Variants in ZBTB41 observed in about 807,000 individuals in gnomAD.
ZBTB41 encodes the protein zinc finger and BTB domain-containing protein 41.
ZBTB41 carries 42 observed loss-of-function variants against 87.6 expected under a neutral mutation model. The ratio of observed to expected loss-of-function variants is 0.48; its 90% confidence interval spans 0.37 to 0.62. ZBTB41 has a LOEUF of 0.62. Among genes scored for constraint, ZBTB41 ranks in the 20% least tolerant of loss-of-function variants. The pLI is 0.00. For missense variants in ZBTB41, 799 were observed against 1,078.9 expected, an observed-to-expected ratio of 0.74 and a Z score of 3.63; for synonymous variants, 364 against 364.0, an observed-to-expected ratio of 1.00 and a Z score of 0.00.
At position 197,200,516 on chromosome 1, in the gene ZBTB41, T is replaced by G; in HGVS notation, c.-43A>C. 6.6e-7 allele frequency: 1 copy of G among 1,511,954 alleles called. No individual in the cohort carries two copies. The highest frequency in any genetic ancestry group is 8.8e-7 in the Non-Finnish European group (1 of 1,135,456). 93.7% of individuals were successfully genotyped at this position (1,511,954 alleles called of 1,614,324 possible). The stretch of plus-strand genomic sequence containing the variant: ...AGAACAAGAAACTTCATAAGTGTCT[T>G]AAGTGATTTATAAAGGAAAACTAGA... On this transcript the variant is annotated 5_prime_UTR_variant, in exon 2 of 11. Coordinates refer to ENST00000367405, the MANE Select transcript of ZBTB41 (RefSeq NM_194314.3).
rs1660281592 is a variant in ZBTB41 at position 197,200,319 on chromosome 1, T to G, written c.155A>C (p.Gln52Pro). The G allele has an allele frequency of 6.2e-7, 1 of 1,614,186 alleles. No homozygotes were observed. Among genetic ancestry groups the G allele is most frequent in the Non-Finnish European group, 8.5e-7 (1 of 1,180,028 alleles). Residue 52 changes from glutamine to proline, a missense_variant, in exon 2 of 11, where the codon CAG becomes CCG. Coordinates refer to ENST00000367405, the MANE Select transcript of ZBTB41 (RefSeq NM_194314.3). ...RPTPEALHCY[Q>P]ELPPSPDQRK... ...CTGATCTGGAGAGGGAGGAAGTTCC[T>G]GGTAACAGTGAAGAGCTTCAGGAGT...
At chr1:197,192,019 C>T in intron 2 of ZBTB41, 120 bp from the exon 3 acceptor site, 2 of 671,752 alleles carry the variant, frequency 3.0e-6, no homozygotes, top group Non-Finnish European at 4.3e-6. Flanking sequence ...AATCCACACA[C>T]AAAACTAGAA....
chr1:197,182,863 C>T (rs1438371683), intron 5 of ZBTB41, among the ~76,000 whole-genome samples: 1 of 152,074 alleles, frequency 6.6e-6, no homozygotes, highest in Non-Finnish European at 1.5e-5. Flanking sequence ...GGGCCATACG[C>T]CAGACCTATC....
intron 4 of ZBTB41, among the ~76,000 whole-genome samples, chr1:197,189,690 T>C (rs1659977391): frequency 6.6e-6 from 1 of 152,186 alleles, no homozygotes; most frequent in Admixed American, 6.5e-5. Flanking sequence ...CAACAAAATG[T>C]AGTAGAAGTG....
intron 10 of ZBTB41, among the ~76,000 whole-genome samples, chr1:197,162,608 T>A (rs187897946): frequency 6.6e-6 from 1 of 152,300 alleles, no homozygotes; most frequent in East Asian, 1.9e-4. Flanking sequence ...TTACATCATA[T>A]CATGGCTCTT....
intron 5 of ZBTB41, among the ~76,000 whole-genome samples, chr1:197,183,602 G>A (rs192273369): frequency 6.6e-6 from 1 of 152,266 alleles, no homozygotes; most frequent in African/African-American, 2.4e-5. Context: ...TTATTTACTA[G>A]TTAGATTACC....
chr1:197,182,807 G>C (rs971356651), intron 5 of ZBTB41, among the ~76,000 whole-genome samples: 1 of 152,112 alleles, frequency 6.6e-6, no homozygotes, highest in African/African-American at 2.4e-5. Context: ...CTGGGAACTT[G>C]TGCAAATTGC....
At chr1:197,178,591 G>C in intron 6 of ZBTB41, 79 bp from the exon 7 acceptor site, 1 of 1,003,760 alleles carries the variant, frequency 1.0e-6, no homozygotes, top group South Asian at 1.9e-5. Context: ...TTACTAGAAA[G>C]GTATTCAAGC....
chr1:197,199,323 T>A, intron 2 of ZBTB41, 31 bp downstream of exon 2: 2 of 1,469,272 alleles, frequency 1.4e-6, no homozygotes, highest in East Asian at 2.4e-5. Flanking sequence ...AGTAAGTGAT[T>A]AGAGATAGAA....
At chr1:197,185,692 T>C (rs1036515161) in intron 5 of ZBTB41, among the ~76,000 whole-genome samples, 5 of 151,880 alleles carry the variant, frequency 3.3e-5, no homozygotes, top group African/African-American at 1.2e-4. Flanking sequence ...TTTCAATTTA[T>C]ATGACTTTCT....
chr1:197,188,183 T>TA lies in ZBTB41; in HGVS notation c.1546+108dup, dbSNP rs1238074097. The TA allele has an allele frequency of 1.4e-5, 19 of 1,348,242 alleles. 1 individual carries two copies. In the African/African-American group the frequency reaches 2.1e-4, roughly 15 times the overall value. 83.5% of individuals were successfully genotyped at this position (1,348,242 alleles called of 1,614,324 possible). On this transcript the variant is annotated intron_variant, in intron 5 of 10. Transcript: ENST00000367405. ...TTTGCTGTGAACCTAAAACCACTCT[T>TA]AAAAAGTCTTTTAGAAGAAAAAGAG...
intron 9 of ZBTB41, among the ~76,000 whole-genome samples, chr1:197,172,600 T>G (rs940735761): frequency 6.6e-6 from 1 of 151,704 alleles, no homozygotes; most frequent in Non-Finnish European, 1.5e-5. Flanking sequence ...AGATCAAGAG[T>G]GGCCTAAAGG....
At chr1:197,167,407 CT>C (rs1418524143) in intron 10 of ZBTB41, among the ~76,000 whole-genome samples, 1 of 152,076 alleles carries the variant, frequency 6.6e-6, no homozygotes, top group East Asian at 1.9e-4. Context: ...GTTTCCCAGG[CT>C]GGTCTTGAAC....
At chr1:197,172,037 G>A in intron 10 of ZBTB41, 123 bp downstream of exon 10, 1 of 354,576 alleles carries the variant, frequency 2.8e-6, no homozygotes, top group Non-Finnish European at 5.1e-6. Flanking sequence ...AAATCTTAAT[G>A]GGGAAAACCA....
intron 10 of ZBTB41, among the ~76,000 whole-genome samples, chr1:197,168,702 G>A (rs1659406809): frequency 6.6e-6 from 1 of 151,950 alleles, no homozygotes; most frequent in Non-Finnish European, 1.5e-5. Flanking sequence ...CTTGGGTTGA[G>A]CAAAAGTTTC....
At chr1:197,195,394 G>A (rs904823984) in intron 2 of ZBTB41, among the ~76,000 whole-genome samples, 1 of 152,106 alleles carries the variant, frequency 6.6e-6, no homozygotes, top group Non-Finnish European at 1.5e-5. Context: ...GATTTTGTAT[G>A]CAGTTTTTAC....
chr1:197,190,664 A>G (rs1250174684), intron 4 of ZBTB41, 98 bp downstream of exon 4: 1 of 666,368 alleles, frequency 1.5e-6, no homozygotes, highest in African/African-American at 1.9e-5. Context: ...AAGTGAGATA[A>G]GCTAAGTCAC....
chr1:197,169,804 G>T (rs950123967), intron 10 of ZBTB41, among the ~76,000 whole-genome samples: 2 of 151,966 alleles, frequency 1.3e-5, no homozygotes, highest in African/African-American at 4.8e-5. Context: ...CCAATTTAAT[G>T]AATATGTTTC....
At chr1:197,199,200 G>A (rs1181429510) in intron 2 of ZBTB41, among the ~76,000 whole-genome samples, 154 bp downstream of exon 2, 1 of 152,084 alleles carries the variant, frequency 6.6e-6, no homozygotes, top group African/African-American at 2.4e-5. Context: ...CAACTTTAAA[G>A]TAACAGGATA....
Sources: gnomAD v4.1 joint callset for allele counts (sites outside exome capture counted in the v4.1 genomes callset) on GRCh38, gnomAD v4.1.1 for gene constraint, MANE v1.5 for transcripts, NCBI Gene and HGNC (gene_info 2026-07-23, HGNC 2026-07-21) for gene names.